GLIS3: variants seen among roughly 807,000 people sequenced by gnomAD.
The protein encoded by GLIS3 is zinc finger protein GLIS3.
In GLIS3, 53 loss-of-function variants were observed where a neutral mutation model predicts 78.6. The ratio of observed to expected loss-of-function variants is 0.67; its 90% CI spans 0.54 to 0.85. GLIS3 has a LOEUF of 0.85. GLIS3 is among the 40% of genes least tolerant of loss of function. GLIS3 has a pLI of 0.00. For missense variants in GLIS3, 1,703 were observed against 1,231.1 expected, an observed-to-expected ratio of 1.38 and a Z score of -5.74; for synonymous variants, 684 against 509.9, an observed-to-expected ratio of 1.34 and a Z score of -4.60.
At chr9:4,000,773 C>T (rs1324220694) in intron 4 of GLIS3, among the ~76,000 whole-genome samples, 3 of 152,088 alleles carry the variant, frequency 2.0e-5, no homozygotes, top group East Asian at 1.9e-4. Context: ...TATCAGATGC[C>T]CAAGCCCATA....
At chr9:4,066,666 G>A (rs1001439674) in intron 4 of GLIS3, among the ~76,000 whole-genome samples, 13 of 152,176 alleles carry the variant, frequency 8.5e-5, no homozygotes, top group African/African-American at 2.7e-4. Context: ...CTGCTCTGCC[G>A]TACTACAGCT....
intron 8 of GLIS3, among the ~76,000 whole-genome samples, chr9:3,865,375 A>G (rs550497544): frequency 6.6e-6 from 1 of 152,344 alleles, no homozygotes; most frequent in African/African-American, 2.4e-5. Flanking sequence ...CCTTTAAAAG[A>G]CTAAGTAGAG....
intron 2 of GLIS3, among the ~76,000 whole-genome samples, chr9:4,219,849 C>T: frequency 6.6e-6 from 1 of 152,130 alleles, no homozygotes; most frequent in Non-Finnish European, 1.5e-5. Flanking sequence ...GGTCTCCCTG[C>T]TGAGAGAGCC....
intron 5 of GLIS3, among the ~76,000 whole-genome samples, chr9:3,933,267 C>A (rs954873594): frequency 6.6e-6 from 1 of 152,082 alleles, no homozygotes; most frequent in African/African-American, 2.4e-5. Context: ...CCTCTGCCTC[C>A]TGGGTTCAAG....
chr9:3,937,255 T>TAAA, intron 4 of GLIS3, 66 bp from the exon 5 acceptor site: 1 of 1,421,748 alleles, frequency 7.0e-7, no homozygotes, highest in Non-Finnish European at 9.7e-7. Flanking sequence ...GGGGGACAGC[T>TAAA]AAAAAAAAAA....
chr9:4,084,250 C>T (rs931916463), intron 4 of GLIS3, among the ~76,000 whole-genome samples: 1 of 135,740 alleles, frequency 7.4e-6, no homozygotes, highest in African/African-American at 2.8e-5. Context: ...CTTCCTTCCT[C>T]TCTCTAACAC....
In GLIS3 at chr9:3,898,831, C is replaced by T. The variant is rs144720690; in HGVS notation, c.1988G>A (p.Arg663Gln). Reference sequence around the variant, plus strand: ...GTCTGGATGGAGCTCTGTGCTGGACCGCAACTAAGAGGACAAAACGGAAGA... The same window carrying T: ...GTCTGGATGGAGCTCTGTGCTGGACTGCAACTAAGAGGACAAAACGGAAGA... ...SKEQQARKKL[R>Q]SSTELHPDLL... The change falls in exon 7 of 11, where the codon CGG becomes CAG. Residue 663 changes from arginine to glutamine, a missense_variant. Transcript: ENST00000381971. 58 of 1,613,884 alleles carry T rather than the reference C, an allele frequency of 3.6e-5. No homozygotes were observed. The highest frequency in any genetic ancestry group is 2.2e-5 in the East Asian group (1 of 44,892).
At chr9:4,153,352 T>C (rs1366001292) in intron 2 of GLIS3, among the ~76,000 whole-genome samples, 2 of 152,158 alleles carry the variant, frequency 1.3e-5, no homozygotes, top group African/African-American at 2.4e-5. Flanking sequence ...TCATTTGAGG[T>C]CAGGAGTTCA....
At chr9:4,182,281 A>G (rs1207349600) in intron 2 of GLIS3, among the ~76,000 whole-genome samples, 1 of 152,164 alleles carries the variant, frequency 6.6e-6, no homozygotes, top group East Asian at 1.9e-4. Context: ...ATCCCTTCAG[A>G]TGGGGCATGT....
chr9:4,047,109 T>G (rs1825313544), intron 4 of GLIS3, among the ~76,000 whole-genome samples: 1 of 152,156 alleles, frequency 6.6e-6, no homozygotes, highest in Admixed American at 6.5e-5. Context: ...GGAAGGTGAC[T>G]GGATCATGGG....
chr9:3,936,513 G>A (rs1194428070), intron 5 of GLIS3, among the ~76,000 whole-genome samples: 1 of 152,004 alleles, frequency 6.6e-6, no homozygotes, highest in Admixed American at 6.6e-5. Context: ...TCAGCTGAAG[G>A]TGAAAATACC....
chr9:4,330,955 G>C (rs1166237974), intron 2 of GLIS3, among the ~76,000 whole-genome samples: 1 of 152,190 alleles, frequency 6.6e-6, no homozygotes, highest in Non-Finnish European at 1.5e-5. Context: ...TCACTTTGCT[G>C]TGTGGTTAGG....
At chr9:4,193,995 T>G (rs1440036525) in intron 2 of GLIS3, among the ~76,000 whole-genome samples, 1 of 152,254 alleles carries the variant, frequency 6.6e-6, no homozygotes, top group Non-Finnish European at 1.5e-5. Context: ...AATGTTTATG[T>G]AATTTTGTGG....
chr9:4,176,337 TTCTC>T (rs1185324027), intron 2 of GLIS3, among the ~76,000 whole-genome samples: 4 of 152,216 alleles, frequency 2.6e-5, no homozygotes, highest in Non-Finnish European at 1.5e-5. Flanking sequence ...TTTAGGCTAT[TTCTC>T]TCTAGTCTGT....
At chr9:4,306,999 A>G (rs1274986026) in intron 4 of GLIS3, among the ~76,000 whole-genome samples, 3 of 152,240 alleles carry the variant, frequency 2.0e-5, no homozygotes, top group Non-Finnish European at 4.4e-5. Flanking sequence ...TCCAGCAAGA[A>G]GTGGACATTA....
At chr9:4,163,967 A>T (rs922211672) in intron 2 of GLIS3, among the ~76,000 whole-genome samples, 12 of 152,244 alleles carry the variant, frequency 7.9e-5, no homozygotes, top group Admixed American at 7.8e-4. Flanking sequence ...CATGGATACC[A>T]TGGTACAGTG....
intron 4 of GLIS3, among the ~76,000 whole-genome samples, chr9:4,063,508 T>A (rs1588578753): frequency 6.6e-6 from 1 of 152,072 alleles, no homozygotes; most frequent in South Asian, 2.1e-4. Flanking sequence ...CAGGTGATTG[T>A]CTCAATAGAG....
Position 4,118,299 on chromosome 9 carries a change from C to T in GLIS3, c.1179G>A (p.Glu393=), listed in dbSNP as rs1277476628. Residue 393 remains glutamate (E), a synonymous_variant, in exon 4 of 11, where the codon GAG becomes GAA. Coordinates refer to ENST00000381971, the MANE Select transcript of GLIS3 (RefSeq NM_001042413.2). This position sits in a 1 kb window ranked among gnomAD's most constrained non-coding sequence, Gnocchi z 4.7. ...CGCCGTGCTCCAGCTGTTGCATGCG[C>T]TCGTGCTCCAGGGCCCCGTCCTCGC... ...AYGEDGALEH[E]RMQQLEHGGL... 4 of 1,579,698 alleles carry T rather than the reference C, an allele frequency of 2.5e-6. No homozygotes were observed. The highest frequency in any genetic ancestry group is 2.3e-5 in the South Asian group (2 of 87,608).
At chr9:3,897,824 T>C (rs1822969401) in intron 7 of GLIS3, among the ~76,000 whole-genome samples, 1 of 152,222 alleles carries the variant, frequency 6.6e-6, no homozygotes, top group Non-Finnish European at 1.5e-5. Flanking sequence ...ATTCATACTT[T>C]TCGAAAGAAA....
Sources: allele counts gnomAD v4.1 joint callset (sites outside exome capture counted in the v4.1 genomes callset), GRCh38; gene constraint gnomAD v4.1.1; non-coding constraint Gnocchi (gnomAD v3.1); transcripts MANE v1.5; gene names NCBI Gene and HGNC (gene_info 2026-07-23, HGNC 2026-07-21).